DIS3L2: variants seen among roughly 807,000 people sequenced by gnomAD.
DIS3L2 encodes the protein DIS3-like exonuclease 2.
Under a neutral mutation model 97.5 loss-of-function variants are expected in DIS3L2, and 34 were observed. That is an observed-to-expected ratio of 0.35 (90% CI 0.27 to 0.46). The LOEUF is 0.46. DIS3L2 is among the 20% of genes least tolerant of loss of function. DIS3L2 has a pLI of 1.00. For synonymous variants in DIS3L2, 435 were observed against 445.2 expected, an observed-to-expected ratio of 0.98 and a Z score of 0.29; for missense variants, 1,038 against 1,146.0, an observed-to-expected ratio of 0.91 and a Z score of 1.36.
intron 6 of DIS3L2, among the ~76,000 whole-genome samples, chr2:232,106,812 A>G (rs1357292732): frequency 6.6e-6 from 1 of 152,244 alleles, no homozygotes; most frequent in Non-Finnish European, 1.5e-5. Context: ...CATTATTCTT[A>G]TTGCCACATG....
At chr2:231,974,836 C>G (rs1034544884) in intron 1 of DIS3L2, among the ~76,000 whole-genome samples, 12 of 152,006 alleles carry the variant, frequency 7.9e-5, no homozygotes, top group Admixed American at 4.6e-4. Context: ...AACAAATCAT[C>G]TCTTAAAAAT....
At position 232,017,333 on chromosome 2, in the gene DIS3L2, A is replaced by G. The variant is rs148997207; in HGVS notation, c.210+1662A>G. 3.9e-3 allele frequency among the ~76,000 whole-genome samples: 590 copies of G among 152,242 alleles called. 3 individuals carry two copies. The highest frequency in any genetic ancestry group is 0.013 in the African/African-American group (545 of 41,554). On this transcript the variant is annotated intron_variant, in intron 3 of 20. Coordinates refer to ENST00000325385, the MANE Select transcript of DIS3L2 (RefSeq NM_152383.5). Reference sequence around the variant, plus strand: ...AGGCTGGTCTTCAACTCCTGACCTCAAGTGATCCTCCTGCCTTAGCCTCCC... The same window carrying G: ...AGGCTGGTCTTCAACTCCTGACCTCGAGTGATCCTCCTGCCTTAGCCTCCC...
At chr2:232,013,277 A>C (rs1694262838) in intron 1 of DIS3L2, among the ~76,000 whole-genome samples, 1 of 152,162 alleles carries the variant, frequency 6.6e-6, no homozygotes, top group East Asian at 1.9e-4. Context: ...GTACCAGGTT[A>C]ATTTTTCCTG....
chr2:232,239,151 C>T (rs555073787), intron 11 of DIS3L2, among the ~76,000 whole-genome samples: 1 of 152,298 alleles, frequency 6.6e-6, no homozygotes, highest in Non-Finnish European at 1.5e-5. Context: ...GGAGCCTGAG[C>T]TTTTCCCTCT....
intron 1 of DIS3L2, among the ~76,000 whole-genome samples, chr2:231,977,241 C>T (rs1693125286): frequency 6.6e-6 from 1 of 152,018 alleles, no homozygotes; most frequent in Non-Finnish European, 1.5e-5. Flanking sequence ...AGTTGAGGAC[C>T]GTCTGTCTGT....
chr2:232,163,431 A>G, intron 8 of DIS3L2, 28 bp from the exon 9 acceptor site: 1 of 1,603,114 alleles, frequency 6.2e-7, no homozygotes, highest in South Asian at 1.1e-5. Flanking sequence ...TTGCTAACCC[A>G]GTTATTCCGT....
At chr2:232,335,686 C>T (rs1176538824) in intron 19 of DIS3L2, 87 bp from the exon 20 acceptor site, 7 of 1,440,008 alleles carry the variant, frequency 4.9e-6, no homozygotes, top group East Asian at 5.0e-5. Context: ...GGCTGAGGGC[C>T]GCCTCCAAGC....
At chr2:232,331,357 G>A (rs975047014) in intron 16 of DIS3L2, among the ~76,000 whole-genome samples, 6 of 152,204 alleles carry the variant, frequency 3.9e-5, no homozygotes, top group East Asian at 1.9e-4. Flanking sequence ...TCGGGTCAGC[G>A]GGAGCAGTGG....
At chr2:232,275,804 T>C (rs555104727) in intron 13 of DIS3L2, among the ~76,000 whole-genome samples, 1 of 152,142 alleles carries the variant, frequency 6.6e-6, no homozygotes, top group South Asian at 2.1e-4. Context: ...GCACTCAGAG[T>C]GGCTTACTGT....
At chr2:232,266,380 C>T (rs1363355369) in intron 13 of DIS3L2, among the ~76,000 whole-genome samples, 1 of 152,200 alleles carries the variant, frequency 6.6e-6, no homozygotes, top group Non-Finnish European at 1.5e-5. Flanking sequence ...TCAAATTGCC[C>T]TGTGTTCACT....
chr2:232,342,238 TAC>T (rs200500287), intron 13 of DIS3L2, among the ~76,000 whole-genome samples: 4,435 of 144,774 alleles, frequency 0.031, 90 homozygotes, highest in Middle Eastern at 0.045. Context: ...TATATACACA[TAC>T]ACATATATAC....
intron 1 of DIS3L2, among the ~76,000 whole-genome samples, chr2:231,989,800 A>G (rs532646050): frequency 1.3e-5 from 2 of 152,304 alleles, no homozygotes; most frequent in South Asian, 4.1e-4. Context: ...GTACCACTGC[A>G]CCCTAGCCTG....
chr2:232,171,928 A>T lies in DIS3L2; in HGVS notation c.1124+8296A>T, dbSNP rs531426343. Among the ~76,000 whole-genome samples the T allele has an allele frequency of 9.2e-5, 14 of 152,334 alleles. No individual in the cohort carries two copies. The South Asian group carries it at 2.1e-3, about 23-fold the overall frequency. On this transcript the variant is annotated intron_variant, in intron 9 of 20. Coordinates refer to ENST00000325385, the MANE Select transcript of DIS3L2 (RefSeq NM_152383.5). Reference sequence around the variant, plus strand: ...ACCAGGAGGAAAAATGCCTACTGGCAAAAGACAATATTTGAATTTATTCCC... The same window carrying T: ...ACCAGGAGGAAAAATGCCTACTGGCTAAAGACAATATTTGAATTTATTCCC...
At chr2:232,076,940 G>A (rs1025958765) in intron 5 of DIS3L2, among the ~76,000 whole-genome samples, 1 of 152,142 alleles carries the variant, frequency 6.6e-6, no homozygotes, top group Non-Finnish European at 1.5e-5. Context: ...AAGGCATTTT[G>A]CCATTCCTCT....
chr2:232,017,587 A>G (rs1694393543), intron 3 of DIS3L2, among the ~76,000 whole-genome samples: 1 of 152,126 alleles, frequency 6.6e-6, no homozygotes, highest in Admixed American at 6.6e-5. Context: ...TTCACATAGG[A>G]GGACCCATTG....
chr2:232,119,353 A>C (rs1476352155), intron 6 of DIS3L2, among the ~76,000 whole-genome samples: 1 of 152,214 alleles, frequency 6.6e-6, no homozygotes, highest in African/African-American at 2.4e-5. Flanking sequence ...GTCGGACTTT[A>C]GTAAACACCA....
At chr2:232,254,838 G>T (rs1241363224) in intron 12 of DIS3L2, among the ~76,000 whole-genome samples, 1 of 152,180 alleles carries the variant, frequency 6.6e-6, no homozygotes, top group Non-Finnish European at 1.5e-5. Flanking sequence ...AGGGGCTGTG[G>T]GCCTCAGTGC....
intron 9 of DIS3L2, among the ~76,000 whole-genome samples, chr2:232,169,109 C>T (rs986864788): frequency 2.0e-5 from 3 of 152,092 alleles, no homozygotes; most frequent in Admixed American, 2.0e-4. Flanking sequence ...TGTTTGTGAT[C>T]ATGTGATTTC....
chr2:232,008,382 A>T (rs1472649466), intron 1 of DIS3L2, among the ~76,000 whole-genome samples: 2 of 151,266 alleles, frequency 1.3e-5, no homozygotes, highest in African/African-American at 4.9e-5. Context: ...GAATTTGTCC[A>T]TTTTTTTTCT....
Sources: gnomAD v4.1 joint callset for allele counts (sites outside exome capture counted in the v4.1 genomes callset) on GRCh38, gnomAD v4.1.1 for gene constraint, MANE v1.5 for transcripts, NCBI Gene and HGNC (gene_info 2026-07-23, HGNC 2026-07-21) for gene names.